The following DCAF11 variants were observed in gnomAD, a reference collection of about 807,000 sequenced individuals.
The protein encoded by DCAF11 is DDB1- and CUL4-associated factor 11.
DCAF11 carries 44 observed loss-of-function variants against 76.1 expected under a neutral mutation model. The ratio of observed to expected loss-of-function variants is 0.58; its 90% CI spans 0.45 to 0.74. The LOEUF (loss-of-function observed/expected upper bound fraction) is 0.74. DCAF11 is among the 30% of genes least tolerant of loss of function. DCAF11 has a pLI of 0.00. For synonymous variants in DCAF11, 258 were observed against 255.0 expected (o/e 1.01, Z -0.11); for missense variants, 604 against 709.4 (o/e 0.85, Z 1.69).
At position 24,120,951 on chromosome 14, in the gene DCAF11, G is replaced by A. The variant is rs770298539; in HGVS notation, c.1206G>A (p.Gln402=). 1 of 1,614,184 alleles carries A rather than the reference G, an allele frequency of 6.2e-7. No individual in the cohort carries two copies. Among genetic ancestry groups the A allele is most frequent in the Admixed American group, 1.7e-5 (1 of 60,030 alleles). ...AAGCTTCACGCCAGGCTGCCACACA[G>A]CAAAACTGGGACTATCGGTGGCAGC... is the stretch of plus-strand genomic sequence containing the variant. The part of the protein sequence containing the change: ...GMEASRQAAT[Q]QNWDYRWQQV... Residue 402 remains glutamine, a synonymous_variant, in exon 12 of 15, where the codon CAG becomes CAA. Coordinates refer to ENST00000446197, the MANE Select transcript of DCAF11 (RefSeq NM_025230.5).
At chr14:24,122,501 AAAAAAG>A (rs2139023459) in intron 13 of DCAF11, among the ~76,000 whole-genome samples, 1 of 151,760 alleles carries the variant, frequency 6.6e-6, no homozygotes, top group Middle Eastern at 3.4e-3. Context: ...AAAAAAAAAA[AAAAAAG>A]AAAAAGAAAA....
chr14:24,119,271 G>A, intron 9 of DCAF11, 58 bp downstream of exon 9: 1 of 1,599,212 alleles, frequency 6.3e-7, no homozygotes, highest in Non-Finnish European at 8.6e-7. Flanking sequence ...TGCCAGAGAT[G>A]AGTTCTGCTG....
chr14:24,122,825 AAC>A (rs2037716280), intron 13 of DCAF11, 144 bp from the exon 14 acceptor site: 2 of 673,896 alleles, frequency 3.0e-6, no homozygotes, highest in Non-Finnish European at 5.0e-6. Context: ...AAGCAGAAAT[AAC>A]ACAGTCTTCT....
chr14:24,121,731 T>G, intron 13 of DCAF11: 1 of 543,036 alleles, frequency 1.8e-6, no homozygotes, highest in South Asian at 3.4e-5. Flanking sequence ...ACAGTAAATA[T>G]AATAGATTGC....
chr14:24,121,055 C>T, intron 12 of DCAF11, 64 bp downstream of exon 12: 1 of 1,587,154 alleles, frequency 6.3e-7, no homozygotes, highest in Admixed American at 1.8e-5. Context: ...AGGACCTCCC[C>T]CTCAGCCCTC....
At position 24,115,499 on chromosome 14, in the gene DCAF11, A is replaced by C. The variant is rs2037529375; in HGVS notation, c.-96A>C. On this transcript the variant is annotated 5_prime_UTR_variant, in exon 2 of 15. Coordinates refer to ENST00000446197, the MANE Select transcript of DCAF11 (RefSeq NM_025230.5). ...GATAGCTACTACCCCGTCTCAGGAG[A>C]CCCTGGTATTTCTAGAGCACGCTTT... The C allele has an allele frequency of 1.3e-6, 2 of 1,498,380 alleles. No individual in the cohort carries two copies. Among genetic ancestry groups the C allele is most frequent in the African/African-American group, 2.8e-5 (2 of 71,348 alleles). 92.8% of individuals were successfully genotyped at this position (1,498,380 alleles called of 1,614,324 possible).
intron 13 of DCAF11, 59 bp downstream of exon 13, chr14:24,121,576 C>A: frequency 6.3e-7 from 1 of 1,574,946 alleles, no homozygotes; most frequent in East Asian, 2.3e-5. Context: ...CCTTGCCATT[C>A]CACCTATAAC....
In DCAF11 at chr14:24,124,401, C is replaced by G. The variant is rs1594343628; in HGVS notation, c.*1092C>G. Reference sequence around the variant, plus strand: ...AGCAAGTCGGCCCTGACGCCAGGCCCCAGTGGGCGCCTCACACTCAGAACC... The same window carrying G: ...AGCAAGTCGGCCCTGACGCCAGGCCGCAGTGGGCGCCTCACACTCAGAACC... On this transcript the variant is annotated 3_prime_UTR_variant, in exon 15 of 15. Transcript: ENST00000446197. 1 of 152,282 alleles carries G rather than the reference C, an allele frequency of 6.6e-6. No homozygotes were observed. The highest frequency in any genetic ancestry group is 2.4e-5 in the African/African-American group (1 of 41,462). The allele number at this position is 152,282 out of a possible 1,614,324, so 9.4% of individuals were successfully genotyped here. A position where few individuals can be genotyped will look rare whatever the true frequency, so the allele number is the denominator to read the frequency against.
In DCAF11 at chr14:24,119,752, T is replaced by C; in HGVS notation, c.948T>C (p.Ala316=). Residue 316 remains alanine (A), a synonymous_variant, in exon 11 of 15, where the codon GCT becomes GCC. Coordinates refer to ENST00000446197, the MANE Select transcript of DCAF11 (RefSeq NM_025230.5). ...HEDDVNAVAF[A]DISSQILFSG... ...ATGATGTGAATGCAGTGGCCTTTGCTGATATAAGCTCCCAAATCCTGTTCT... is the reference window on the plus strand; with the variant it reads ...ATGATGTGAATGCAGTGGCCTTTGCCGATATAAGCTCCCAAATCCTGTTCT... 1.2e-6 allele frequency: 2 copies of C among 1,614,244 alleles called. No homozygotes were observed. The highest frequency in any genetic ancestry group is 2.2e-5 in the East Asian group (1 of 44,888).
In DCAF11 at chr14:24,123,296, C is replaced by T. The variant is rs149279101; in HGVS notation, c.1628C>T (p.Ser543Phe). Residue 543 changes from serine (S) to phenylalanine (F), a missense_variant, in exon 15 of 15, where the codon TCC becomes TTC. Physicochemically the swap from Ser to Phe is radical, Grantham distance 155. Transcript: ENST00000446197. ...APVPQSSTPF[S>F]SPQ is the part of the protein sequence containing the mutation. ...GTGCCCCAATCCTCTACACCCTTTT[C>T]CTCACCCCAGTAGATCCAACCTCCA... 7 of 1,534,904 alleles carry T rather than the reference C, an allele frequency of 4.6e-6. No homozygotes were observed. Among genetic ancestry groups the T allele is most frequent in the Admixed American group, 2.1e-5 (1 of 48,732 alleles).
Position 24,117,328 on chromosome 14 carries a change from G to C in DCAF11, c.346G>C (p.Ala116Pro). The C allele has an allele frequency of 6.2e-7, 1 of 1,614,240 alleles. No homozygotes were observed. Among genetic ancestry groups the C allele is most frequent in the Non-Finnish European group, 8.5e-7 (1 of 1,180,044 alleles). ...FNEIKTQVEL[A>P]TGQLGLRRAA... ...TGAGATCAAGACACAAGTGGAACTG[G>C]CCACAGGGCAGCTGGGGCTTAGGCG... Residue 116 changes from alanine to proline, a missense_variant, in exon 4 of 15, where the codon GCC becomes CCC. Physicochemically the swap from Ala to Pro is conservative, Grantham distance 27. Coordinates refer to ENST00000446197, the MANE Select transcript of DCAF11 (RefSeq NM_025230.5). The surrounding 1 kb of genome is among the most constrained non-coding windows in gnomAD (Gnocchi z 4.3).
intron 2 of DCAF11, among the ~76,000 whole-genome samples, 167 bp from the exon 3 acceptor site, chr14:24,116,750 C>G (rs565492284): frequency 3.9e-5 from 6 of 152,344 alleles, no homozygotes; most frequent in East Asian, 1.9e-4. Context: ...GTAAAACTCT[C>G]TTTCCTACTG....
intron 13 of DCAF11, chr14:24,121,774 T>G: frequency 2.4e-6 from 1 of 411,256 alleles, no homozygotes; most frequent in Non-Finnish European, 4.3e-6. Context: ...TTTCAGCCAG[T>G]CAAGAAAGAG....
chr14:24,118,502 A>G lies in DCAF11; in HGVS notation c.692A>G (p.Asn231Ser). ...GATGTGGCCTTCACCCCTGATGGGA[A>G]CCACTTCCTCTACTCTAGCTGGTCT... ...VLDVAFTPDGNHFLYSSWSDY... is the reference protein window; with the variant it reads ...VLDVAFTPDGSHFLYSSWSDY... The change falls in exon 7 of 15, where the codon AAC (asparagine) becomes AGC (serine). Residue 231 changes from asparagine (N) to serine (S), a missense_variant. Asn to Ser is a conservative substitution (Grantham distance 46, BLOSUM62 1). Coordinates refer to ENST00000446197, the MANE Select transcript of DCAF11 (RefSeq NM_025230.5). The G allele has an allele frequency of 6.2e-7, 1 of 1,614,152 alleles. No individual in the cohort carries two copies. Among genetic ancestry groups the G allele is most frequent in the Non-Finnish European group, 8.5e-7 (1 of 1,180,034 alleles).
Position 24,117,353 on chromosome 14 carries a change from G to A in DCAF11, c.371G>A (p.Arg124Gln), listed in dbSNP as rs368388963. 2.0e-5 allele frequency: 32 copies of A among 1,614,116 alleles called. No individual in the cohort carries two copies. In the East Asian group the frequency reaches 2.9e-4, roughly 15 times the overall value. ...GCCACAGGGCAGCTGGGGCTTAGGCGGGCCGCCCAGAAGCACAGCTTTCCT... is the reference window on the plus strand; with the variant it reads ...GCCACAGGGCAGCTGGGGCTTAGGCAGGCCGCCCAGAAGCACAGCTTTCCT... ...ELATGQLGLR[R>Q]AAQKHSFPRM... The change falls in exon 4 of 15, where the codon CGG (arginine) becomes CAG (glutamine). Residue 124 changes from arginine (R) to glutamine (Q), a missense_variant. Physicochemically the swap from Arg to Gln is conservative, Grantham distance 43. Transcript: ENST00000446197. This position sits in a 1 kb window ranked among gnomAD's most constrained non-coding sequence, Gnocchi z 4.3.
Position 24,115,737 on chromosome 14 carries a change from A to G in DCAF11, c.143A>G (p.Tyr48Cys), listed in dbSNP as rs746749140. ...GTGGATCTGGCCCAGGTACTGGCCT[A>G]TCTCCTCCGCAGGTAACTTACCCTC... is the stretch of plus-strand genomic sequence containing the variant. ...EDVDLAQVLA[Y>C]LLRRGQVRLV... Residue 48 changes from tyrosine to cysteine, a missense_variant, in exon 2 of 15, where the codon TAT (tyrosine) becomes TGT (cysteine). Coordinates refer to ENST00000446197, the MANE Select transcript of DCAF11 (RefSeq NM_025230.5). The G allele has an allele frequency of 1.1e-5, 17 of 1,612,802 alleles. No homozygotes were observed. The highest frequency in any genetic ancestry group is 6.6e-5 in the South Asian group (6 of 90,840).
At position 24,118,736 on chromosome 14, in the gene DCAF11, C is replaced by T. The variant is rs2037631534; in HGVS notation, c.725-14C>T. 1.9e-6 allele frequency: 3 copies of T among 1,613,752 alleles called. No homozygotes were observed. The highest frequency in any genetic ancestry group is 1.7e-5 in the Admixed American group (1 of 59,982). ...CCATCCCTGAAAGATTCTTGTTTTT[C>T]TTGCTTCTCTTAGTTCATATCTGCA... is the stretch of plus-strand genomic sequence containing the variant. On this transcript the variant is annotated splice_polypyrimidine_tract_variant and intron_variant, in intron 7 of 14. Coordinates refer to ENST00000446197, the MANE Select transcript of DCAF11 (RefSeq NM_025230.5).
chr14:24,119,696 C>G lies in DCAF11; in HGVS notation c.907-15C>G. 1 of 1,614,166 alleles carries G rather than the reference C, an allele frequency of 6.2e-7. No individual in the cohort carries two copies. The highest frequency in any genetic ancestry group is 8.5e-7 in the Non-Finnish European group (1 of 1,180,010). On this transcript the variant is annotated splice_polypyrimidine_tract_variant and intron_variant, in intron 10 of 14. Coordinates refer to ENST00000446197, the MANE Select transcript of DCAF11 (RefSeq NM_025230.5). ...CTAGAAAGAGGTCTTATATCCTGGC[C>G]TCCTTTTCGCCTAGATTGAGTCCCA... is the stretch of plus-strand genomic sequence containing the variant.
chr14:24,121,050 C>G, intron 12 of DCAF11, 59 bp downstream of exon 12: 1 of 1,596,896 alleles, frequency 6.3e-7, no homozygotes, highest in Non-Finnish European at 8.6e-7. Context: ...CCTGGAGGAC[C>G]TCCCCCTCAG....
Sources: allele counts gnomAD v4.1 joint callset (sites outside exome capture counted in the v4.1 genomes callset), GRCh38; gene constraint gnomAD v4.1.1; non-coding constraint Gnocchi (gnomAD v3.1); transcripts MANE v1.5; gene names NCBI Gene and HGNC (gene_info 2026-07-23, HGNC 2026-07-21).